NF1: variants seen among roughly 807,000 people sequenced by gnomAD.
The protein encoded by NF1 is neurofibromin.
In NF1, 122 loss-of-function variants were observed where a neutral mutation model predicts 325.7. The observed-to-expected ratio is 0.37, with a 90% CI of 0.32 to 0.44. The LOEUF is 0.44. Among genes scored for constraint, NF1 ranks in the 20% least tolerant of loss-of-function variants. The probability of loss-of-function intolerance (pLI) is 1.00; values close to 1 mark genes in which losing one functional copy is unlikely to be tolerated. For missense variants in NF1, 2,140 were observed against 3,415.4 expected (o/e 0.63, Z 9.31); for synonymous variants, 1,091 against 1,186.0 (o/e 0.92, Z 1.65).
At position 31,327,680 on chromosome 17, in the gene NF1, G is replaced by A. The variant is rs1555533589; in HGVS notation, c.5450G>A (p.Cys1817Tyr). The change falls in exon 38 of 58, where the codon TGT becomes TAT. Residue 1817 changes from cysteine (C) to tyrosine (Y), a missense_variant. By Grantham distance (194) the Cys-to-Tyr change is radical. Coordinates refer to ENST00000358273, the MANE Select transcript of NF1 (RefSeq NM_001042492.3). Reference sequence around the variant, plus strand: ...CCGCTCACCTTCATGCACCAGGAGTGTGAAGCCATTGTCCAGTCTATCATT... The same window carrying A: ...CCGCTCACCTTCATGCACCAGGAGTATGAAGCCATTGTCCAGTCTATCATT... ...GTPLTFMHQE[C>Y]EAIVQSIIHI... 1 of 1,614,164 alleles carries A rather than the reference G, an allele frequency of 6.2e-7. No homozygotes were observed. The highest frequency in any genetic ancestry group is 8.5e-7 in the Non-Finnish European group (1 of 1,180,034).
intron 11 of NF1, among the ~76,000 whole-genome samples, chr17:31,205,772 G>A (rs1192792761): frequency 6.6e-6 from 1 of 151,776 alleles, no homozygotes; most frequent in African/African-American, 2.4e-5. Context: ...TATAAGTAAT[G>A]GTTTTCCACA....
chr17:31,157,792 T>C (rs2065690301), intron 2 of NF1, among the ~76,000 whole-genome samples: 1 of 95,288 alleles, frequency 1.0e-5, no homozygotes, highest in African/African-American at 4.2e-5. Context: ...ACCCCGTCTC[T>C]ACTAAAAAAA....
intron 36 of NF1, chr17:31,295,648 T>C: frequency 6.2e-7 from 1 of 1,614,204 alleles, no homozygotes. Flanking sequence ...TGTGGTCACA[T>C]GACCACCTGT....
intron 3 of NF1, among the ~76,000 whole-genome samples, chr17:31,162,882 T>G (rs1303899584): frequency 6.6e-6 from 1 of 152,114 alleles, no homozygotes; most frequent in Non-Finnish European, 1.5e-5. Flanking sequence ...AAACTGGGGA[T>G]TCCCAGGGAA....
chr17:31,272,799 C>T (rs1032270959), intron 36 of NF1: 4 of 152,180 alleles, frequency 2.6e-5, no homozygotes, highest in African/African-American at 7.2e-5. Context: ...TTTAATTGAA[C>T]ACTTGGATCA....
chr17:31,226,111 G>C (rs887323450), intron 17 of NF1, among the ~76,000 whole-genome samples: 1 of 151,906 alleles, frequency 6.6e-6, no homozygotes, highest in African/African-American at 2.4e-5. Context: ...GTAGATTTAC[G>C]TTATGGTGTT....
intron 36 of NF1, among the ~76,000 whole-genome samples, chr17:31,278,603 C>T (rs1597772457): frequency 1.6e-5 from 2 of 127,350 alleles, no homozygotes; most frequent in Admixed American, 9.2e-5. Context: ...TTCATTCATT[C>T]GTTTATTTTT....
chr17:31,275,799 A>G (rs747910743), intron 36 of NF1, among the ~76,000 whole-genome samples: 1 of 152,172 alleles, frequency 6.6e-6, no homozygotes, highest in African/African-American at 2.4e-5. Flanking sequence ...CATTTTCACT[A>G]AAGAAACTAA....
At chr17:31,304,031 G>A in intron 36 of NF1, 2 of 371,770 alleles carry the variant, frequency 5.4e-6, no homozygotes, top group Non-Finnish European at 9.6e-6. Context: ...ATTTACATAT[G>A]TAAAATGTAC....
At chr17:31,219,167 G>A (rs1217585643) in intron 14 of NF1, 49 bp downstream of exon 14, 1 of 1,562,210 alleles carries the variant, frequency 6.4e-7, no homozygotes, top group East Asian at 2.3e-5. Context: ...TTGTAACTAT[G>A]TACATTCATG....
intron 33 of NF1, among the ~76,000 whole-genome samples, chr17:31,259,567 TCAAA>T (rs576156224): frequency 3.3e-5 from 5 of 152,280 alleles, no homozygotes; most frequent in South Asian, 4.1e-4. Flanking sequence ...TTAAACCAAG[TCAAA>T]CAAACACATA....
chr17:31,198,980 A>G (rs2066481198), intron 8 of NF1, among the ~76,000 whole-genome samples: 1 of 151,494 alleles, frequency 6.6e-6, no homozygotes, highest in Admixed American at 6.6e-5. Flanking sequence ...TCTCTCTTTT[A>G]TTTATTTATT....
rs1417034032 is a variant in NF1 at position 31,213,368 on chromosome 17, C to T, written c.1393-1083C>T. Among the ~76,000 whole-genome samples, 6 of 152,106 alleles carry T rather than the reference C, an allele frequency of 3.9e-5. No homozygotes were observed. The East Asian group carries it at 1.2e-3, about 29-fold the overall frequency. ...ATTCTTCCCCGCAAGGACTAAAACC[C>T]TTCGGTGTTCTTGGGTATAATAACA... is the stretch of plus-strand genomic sequence containing the variant. On this transcript the variant is annotated intron_variant, in intron 12 of 57. Coordinates refer to ENST00000358273, the MANE Select transcript of NF1 (RefSeq NM_001042492.3).
chr17:31,160,604 A>G (rs2065746103), intron 3 of NF1, among the ~76,000 whole-genome samples: 1 of 152,182 alleles, frequency 6.6e-6, no homozygotes, highest in Non-Finnish European at 1.5e-5. Flanking sequence ...AGATGGGCAA[A>G]TTTTAAACTT....
chr17:31,193,035 G>A lies in NF1; in HGVS notation c.889-7387G>A, dbSNP rs1377309013. ...CTTTCCCAGGGACAGCCACTGCAAA[G>A]GGTTAAATGTATATTCTTCCAGTCT... On this transcript the variant is annotated intron_variant, in intron 8 of 57. Coordinates refer to ENST00000358273, the MANE Select transcript of NF1 (RefSeq NM_001042492.3). Among the ~76,000 whole-genome samples, 6 of 152,090 alleles carry A rather than the reference G, an allele frequency of 3.9e-5. No individual in the cohort carries two copies. In the South Asian group the frequency reaches 1.0e-3, roughly 26 times the overall value.
At chr17:31,096,140 C>T (rs548281083) in intron 1 of NF1, among the ~76,000 whole-genome samples, 2 of 151,312 alleles carry the variant, frequency 1.3e-5, no homozygotes, top group East Asian at 3.9e-4. Context: ...TTCCCCCCCC[C>T]CTTTTTTTTT....
At chr17:31,292,658 TTC>T (rs1481641301) in intron 36 of NF1, among the ~76,000 whole-genome samples, 1 of 152,208 alleles carries the variant, frequency 6.6e-6, no homozygotes, top group African/African-American at 2.4e-5. Context: ...TAGATAATTC[TTC>T]TGTCTAAGAA....
At chr17:31,332,380 C>T (rs2069524184) in intron 39 of NF1, among the ~76,000 whole-genome samples, 1 of 152,086 alleles carries the variant, frequency 6.6e-6, no homozygotes, top group South Asian at 2.1e-4. Context: ...AGGAGAATTG[C>T]TTGAACCCAG....
chr17:31,310,620 TC>T (rs2151516233), intron 36 of NF1, among the ~76,000 whole-genome samples: 1 of 152,248 alleles, frequency 6.6e-6, no homozygotes, highest in Non-Finnish European at 1.5e-5. Flanking sequence ...GCTGTGAGTA[TC>T]CTTACCATCC....
Sources: allele counts gnomAD v4.1 joint callset (sites outside exome capture counted in the v4.1 genomes callset), GRCh38; gene constraint gnomAD v4.1.1; transcripts MANE v1.5; gene names NCBI Gene and HGNC (gene_info 2026-07-23, HGNC 2026-07-21).